TMEM163: variants seen among roughly 807,000 people sequenced by gnomAD.
The protein encoded by TMEM163 is transmembrane protein 163.
Under a neutral mutation model 29.3 loss-of-function variants are expected in TMEM163, and 17 were observed. The ratio of observed to expected loss-of-function variants is 0.58; its 90% confidence interval spans 0.40 to 0.87. The LOEUF (loss-of-function observed/expected upper bound fraction) is 0.87. Ranked by LOEUF, TMEM163 falls within the 40% of genes least tolerant of loss-of-function variation. The probability of loss-of-function intolerance (pLI) is 0.00; values close to 1 mark genes in which losing one functional copy is unlikely to be tolerated. For synonymous variants in TMEM163, 157 were observed against 160.6 expected (o/e 0.98, Z 0.17); for missense variants, 303 against 381.5 (o/e 0.79, Z 1.71).
intron 2 of TMEM163, among the ~76,000 whole-genome samples, chr2:134,691,104 G>A (rs1383994086): frequency 6.6e-6 from 1 of 152,170 alleles, no homozygotes; most frequent in African/African-American, 2.4e-5. Flanking sequence ...GAGGGCAGTG[G>A]TTCATACAAA....
chr2:134,621,750 G>C (rs916664048), intron 2 of TMEM163, among the ~76,000 whole-genome samples: 2 of 152,012 alleles, frequency 1.3e-5, no homozygotes, highest in African/African-American at 4.8e-5. Flanking sequence ...AATTAGCCGG[G>C]CGTGGTGGCA....
chr2:134,483,020 T>C (rs1261377479), intron 5 of TMEM163, among the ~76,000 whole-genome samples: 2 of 151,090 alleles, frequency 1.3e-5, no homozygotes, highest in African/African-American at 2.4e-5. Flanking sequence ...ACCACAAAGC[T>C]GAGGCTGGCA....
At position 134,648,370 on chromosome 2, in the gene TMEM163, C is replaced by T. The variant is rs115613474; in HGVS notation, c.322+64830G>A. ...CTCTGCTGTGTGGAACCTGGGGTTT[C>T]TATGGGCACAGGATGGGGCTGTGGG... On this transcript the variant is annotated intron_variant, in intron 2 of 7. Coordinates refer to ENST00000281924, the MANE Select transcript of TMEM163 (RefSeq NM_030923.5). Among the ~76,000 whole-genome samples, 246 of 148,916 alleles carry T rather than the reference C, an allele frequency of 1.7e-3. 1 individual carries two copies. The highest frequency in any genetic ancestry group is 5.8e-3 in the African/African-American group (231 of 39,714).
intron 4 of TMEM163, among the ~76,000 whole-genome samples, chr2:134,527,124 T>TAACA (rs1558934221): frequency 6.6e-6 from 1 of 152,234 alleles, no homozygotes; most frequent in Non-Finnish European, 1.5e-5. Flanking sequence ...AACAGACTAT[T>TAACA]TGTCAGTCAT....
At chr2:134,610,435 C>T (rs1197110326) in intron 2 of TMEM163, among the ~76,000 whole-genome samples, 2 of 152,126 alleles carry the variant, frequency 1.3e-5, no homozygotes, top group African/African-American at 4.8e-5. Context: ...ATTGCTGGGC[C>T]CAGCCCCTGA....
chr2:134,642,331 T>C (rs1683239412), intron 2 of TMEM163, among the ~76,000 whole-genome samples: 1 of 152,162 alleles, frequency 6.6e-6, no homozygotes, highest in African/African-American at 2.4e-5. Flanking sequence ...GATTTCATCA[T>C]GTCGGCCAGG....
chr2:134,470,442 A>C (rs1349446404), intron 5 of TMEM163, among the ~76,000 whole-genome samples: 1 of 151,750 alleles, frequency 6.6e-6, no homozygotes, highest in Non-Finnish European at 1.5e-5. Context: ...AGTATTGGGA[A>C]GCTAAGTTTT....
At chr2:134,466,334 G>GT in intron 5 of TMEM163, 109 bp from the exon 6 acceptor site, 1 of 842,726 alleles carries the variant, frequency 1.2e-6, no homozygotes, top group South Asian at 1.6e-5. Flanking sequence ...ATAGTCAGGT[G>GT]TGCTGCCACC....
chr2:134,534,726 C>T (rs1414483853), intron 4 of TMEM163, among the ~76,000 whole-genome samples: 11 of 151,966 alleles, frequency 7.2e-5, no homozygotes, highest in African/African-American at 2.7e-4. Flanking sequence ...TGCACTCTAA[C>T]CTGGGCGACA....
At chr2:134,505,218 T>C (rs977902103) in intron 4 of TMEM163, among the ~76,000 whole-genome samples, 2 of 150,688 alleles carry the variant, frequency 1.3e-5, no homozygotes, top group Non-Finnish European at 2.9e-5. Context: ...TGAGAGCACA[T>C]TGTACTCACC....
chr2:134,596,624 G>A (rs1484681521), intron 2 of TMEM163, among the ~76,000 whole-genome samples: 1 of 152,156 alleles, frequency 6.6e-6, no homozygotes, highest in African/African-American at 2.4e-5. Flanking sequence ...ATGAACTTTA[G>A]AGTAGTTTTT....
chr2:134,598,459 T>G (rs766776566), intron 2 of TMEM163, among the ~76,000 whole-genome samples: 9 of 152,234 alleles, frequency 5.9e-5, no homozygotes, highest in Admixed American at 1.3e-4. Context: ...ATCATTGGCC[T>G]TAATTTACCA....
intron 5 of TMEM163, among the ~76,000 whole-genome samples, chr2:134,496,624 G>C (rs1379169165): frequency 1.3e-5 from 2 of 152,158 alleles, no homozygotes; most frequent in Non-Finnish European, 2.9e-5. Flanking sequence ...CAACTGAGAG[G>C]GGCTCCCTTT....
At chr2:134,605,588 T>C (rs1682335563) in intron 2 of TMEM163, among the ~76,000 whole-genome samples, 1 of 151,692 alleles carries the variant, frequency 6.6e-6, no homozygotes, top group Non-Finnish European at 1.5e-5. Flanking sequence ...ATCCCAGCTA[T>C]TCAGGAGGCT....
At chr2:134,680,730 G>A (rs1479339902) in intron 2 of TMEM163, among the ~76,000 whole-genome samples, 1 of 152,128 alleles carries the variant, frequency 6.6e-6, no homozygotes, top group African/African-American at 2.4e-5. Context: ...AGAAAGTTTG[G>A]GACAGACAGG....
chr2:134,669,628 C>T (rs766284634), intron 2 of TMEM163, among the ~76,000 whole-genome samples: 1 of 152,186 alleles, frequency 6.6e-6, no homozygotes, highest in Non-Finnish European at 1.5e-5. Context: ...GTCTGGTTTC[C>T]CTTCCCTTGA....
chr2:134,511,990 T>C (rs1679959381), intron 4 of TMEM163, among the ~76,000 whole-genome samples: 1 of 152,218 alleles, frequency 6.6e-6, no homozygotes, highest in South Asian at 2.1e-4. Context: ...AAAATATTCT[T>C]AGAGAAGCTG....
intron 2 of TMEM163, among the ~76,000 whole-genome samples, chr2:134,688,335 TCAAAGGTC>T (rs987613746): frequency 6.6e-6 from 1 of 151,624 alleles, no homozygotes; most frequent in African/African-American, 2.4e-5. Flanking sequence ...ATGAAGAGGT[TCAAAGGTC>T]GGCTGCCAGA....
intron 2 of TMEM163, among the ~76,000 whole-genome samples, chr2:134,703,068 T>C (rs572105621): frequency 6.6e-6 from 1 of 152,308 alleles, no homozygotes; most frequent in South Asian, 2.1e-4. Flanking sequence ...AGGCTTTACA[T>C]GGTTTGAAAG....
Sources: allele counts gnomAD v4.1 joint callset (sites outside exome capture counted in the v4.1 genomes callset), GRCh38; gene constraint gnomAD v4.1.1; transcripts MANE v1.5; gene names NCBI Gene and HGNC (gene_info 2026-07-23, HGNC 2026-07-21).